HDAC4: variants seen among roughly 807,000 people sequenced by gnomAD.
HDAC4 encodes the protein histone deacetylase A.
Under a neutral mutation model 135.1 loss-of-function variants are expected in HDAC4, and 16 were observed. The observed-to-expected ratio is 0.12, with a 90% CI of 0.08 to 0.18. The LOEUF is 0.18. Among genes scored for constraint, HDAC4 ranks in the 10% least tolerant of loss-of-function variants. The pLI is 1.00. For missense variants in HDAC4, 1,143 were observed against 1,511.8 expected (o/e 0.76, Z 4.05); for synonymous variants, 685 against 653.4 (o/e 1.05, Z -0.74).
intron 1 of HDAC4, among the ~76,000 whole-genome samples, chr2:239,395,427 G>C (rs1696494455): frequency 1.3e-5 from 2 of 152,198 alleles, no homozygotes; most frequent in Non-Finnish European, 2.9e-5. Flanking sequence ...GCTTACATGT[G>C]AGTTAGAAAA....
At chr2:239,182,343 G>C (rs75240539) in intron 4 of HDAC4, among the ~76,000 whole-genome samples, 2 of 152,212 alleles carry the variant, frequency 1.3e-5, no homozygotes, top group Non-Finnish European at 2.9e-5. Flanking sequence ...CACTCAGGGC[G>C]GAAACGCAGA....
chr2:239,165,393 C>T (rs771820394), intron 5 of HDAC4, among the ~76,000 whole-genome samples: 2 of 152,172 alleles, frequency 1.3e-5, no homozygotes, highest in Admixed American at 6.5e-5. Context: ...ACTGGACACG[C>T]GCCGATTTCC....
chr2:239,375,129 T>G (rs926417272), intron 1 of HDAC4, among the ~76,000 whole-genome samples: 4 of 152,136 alleles, frequency 2.6e-5, no homozygotes, highest in African/African-American at 9.7e-5. Flanking sequence ...TCCACAGAGC[T>G]GTGAAGAACA....
In HDAC4 at chr2:239,049,263, C is replaced by T. The variant is rs1326101870; in HGVS notation, c.*3834G>A. On this transcript the variant is annotated 3_prime_UTR_variant, in exon 27 of 27. Coordinates refer to ENST00000543185, the MANE Select transcript of HDAC4 (RefSeq NM_001378414.1). ...TCAATAAGACGCAAACTTCCCCGCC[C>T]TCCTCTCCTTCAAGGTTTTGTTTTA... 2.0e-5 allele frequency: 3 copies of T among 152,576 alleles called. No homozygotes were observed. Among genetic ancestry groups the T allele is most frequent in the Non-Finnish European group, 4.4e-5 (3 of 68,018 alleles). 9.5% of individuals were successfully genotyped at this position (152,576 alleles called of 1,614,324 possible). A position where few individuals can be genotyped will look rare whatever the true frequency, so the allele number is the denominator to read the frequency against.
intron 7 of HDAC4, among the ~76,000 whole-genome samples, chr2:239,155,265 G>A (rs1575215708): frequency 1.3e-5 from 2 of 150,884 alleles, no homozygotes; most frequent in East Asian, 2.0e-4. Context: ...GGCCTGATAT[G>A]GTCCACTCCA....
intron 2 of HDAC4, among the ~76,000 whole-genome samples, chr2:239,333,266 T>TA (rs373550701): frequency 2.0e-5 from 3 of 150,750 alleles, no homozygotes; most frequent in South Asian, 2.1e-4. Context: ...AAGTGGTTGG[T>TA]AAAAAAAAGA....
At chr2:239,290,290 A>T (rs1348287615) in intron 2 of HDAC4, among the ~76,000 whole-genome samples, 1 of 152,236 alleles carries the variant, frequency 6.6e-6, no homozygotes, top group East Asian at 1.9e-4. Context: ...AAAGAAACAG[A>T]GCACCCTAAG....
chr2:239,125,236 C>T (rs994249900), intron 12 of HDAC4, among the ~76,000 whole-genome samples: 1 of 152,226 alleles, frequency 6.6e-6, no homozygotes, highest in Non-Finnish European at 1.5e-5. Context: ...GGCTGAACAC[C>T]GTCTGTTGGT....
At chr2:239,097,369 C>T (rs916504363) in intron 16 of HDAC4, among the ~76,000 whole-genome samples, 3 of 152,236 alleles carry the variant, frequency 2.0e-5, no homozygotes, top group East Asian at 1.9e-4. Context: ...CCTTCCTGGG[C>T]GCTGTCCTGG....
At chr2:239,185,413 A>T (rs192468973) in intron 4 of HDAC4, among the ~76,000 whole-genome samples, 42 of 148,954 alleles carry the variant, frequency 2.8e-4, no homozygotes, top group African/African-American at 1.0e-3. Flanking sequence ...GGAGAGGTGT[A>T]CCCTAACTGC....
chr2:239,301,836 C>T (rs2052289223), intron 2 of HDAC4, among the ~76,000 whole-genome samples: 1 of 152,156 alleles, frequency 6.6e-6, no homozygotes, highest in South Asian at 2.1e-4. Context: ...TACTACAATG[C>T]TACTGCGGTG....
Position 239,283,278 on chromosome 2 carries a change from T to TA in HDAC4, c.23-46615dup, listed in dbSNP as rs568962930. Among the ~76,000 whole-genome samples the TA allele has an allele frequency of 1.1e-4, 17 of 152,186 alleles. No homozygotes were observed. In the East Asian group the frequency reaches 1.9e-3, roughly 17 times the overall value. ...CTCTCTGAGGAACTGAGGCTTAAGC[T>TA]AAAAAAACTCTGCATGACGCTGGGT... On this transcript the variant is annotated intron_variant, in intron 2 of 26. Transcript: ENST00000543185.
intron 22 of HDAC4, among the ~76,000 whole-genome samples, chr2:239,072,315 G>A (rs888502732): frequency 3.9e-5 from 6 of 152,184 alleles, no homozygotes; most frequent in Admixed American, 6.5e-5. Context: ...CATTTTCTAC[G>A]AACTTTTAAA....
At chr2:239,132,528 G>A (rs2040663971) in intron 11 of HDAC4, among the ~76,000 whole-genome samples, 1 of 152,204 alleles carries the variant, frequency 6.6e-6, no homozygotes, top group African/African-American at 2.4e-5. Context: ...TGGGCCCCCT[G>A]GTGGCACAGA....
intron 2 of HDAC4, among the ~76,000 whole-genome samples, chr2:239,276,982 C>T (rs2050407290): frequency 6.6e-6 from 1 of 152,188 alleles, no homozygotes; most frequent in Non-Finnish European, 1.5e-5. Flanking sequence ...GCTGTGGAGC[C>T]TCCCCTGCTC....
chr2:239,133,749 C>T (rs10199413), intron 11 of HDAC4, among the ~76,000 whole-genome samples: 1 of 152,138 alleles, frequency 6.6e-6, no homozygotes, highest in South Asian at 2.1e-4. Flanking sequence ...TTACAGGTGT[C>T]AGTCACCGTG....
intron 9 of HDAC4, among the ~76,000 whole-genome samples, chr2:239,137,717 G>T (rs937529638): frequency 6.6e-6 from 1 of 152,138 alleles, no homozygotes; most frequent in African/African-American, 2.4e-5. Flanking sequence ...GCCAGCCCCT[G>T]GCCATGAAGC....
In HDAC4 at chr2:239,108,326, ACGTTTGCC is replaced by A; in HGVS notation, c.1979-151_1979-144del. ...TGGGACGGTTCTTTAGAAAAATACC[ACGTTTGCC>A]AAGACTCCTTGACTGGCCAGGCCCA... On this transcript the variant is annotated intron_variant, in intron 14 of 26. Transcript: ENST00000543185. 1.1e-5 allele frequency: 12 copies of A among 1,090,250 alleles called. No individual in the cohort carries two copies. The South Asian group carries it at 1.7e-4, about 16-fold the overall frequency. The allele number at this position is 1,090,250 out of a possible 1,614,324, so 67.5% of individuals were successfully genotyped here. A position where few individuals can be genotyped will look rare whatever the true frequency, so the allele number is the denominator to read the frequency against.
At chr2:239,346,146 T>C (rs1242968146) in intron 2 of HDAC4, among the ~76,000 whole-genome samples, 1 of 141,372 alleles carries the variant, frequency 7.1e-6, no homozygotes, top group Non-Finnish European at 1.5e-5. Flanking sequence ...ATCTCACACA[T>C]GCACTCACCC....
Sources: allele counts gnomAD v4.1 joint callset (sites outside exome capture counted in the v4.1 genomes callset), GRCh38; gene constraint gnomAD v4.1.1; transcripts MANE v1.5; gene names NCBI Gene and HGNC (gene_info 2026-07-23, HGNC 2026-07-21).